The following DMD variants were observed in gnomAD, a reference collection of about 807,000 sequenced individuals.
DMD encodes the protein dystrophin.
Under a neutral mutation model 330.1 loss-of-function variants are expected in DMD, and 63 were observed. The observed-to-expected ratio is 0.19, with a 90% CI of 0.16 to 0.24. DMD has a LOEUF of 0.24. DMD is among the 10% of genes least tolerant of loss of function. The pLI is 1.00. For synonymous variants in DMD, 1,223 were observed against 959.8 expected, an observed-to-expected ratio of 1.27 and a Z score of -5.07; for missense variants, 3,344 against 2,684.1, an observed-to-expected ratio of 1.25 and a Z score of -5.43.
chrX:31,139,064 T>C (rs2035705889), intron 76 of DMD, among the ~76,000 whole-genome samples: 1 of 112,361 alleles, frequency 8.9e-6, no homozygotes, highest in Non-Finnish European at 1.9e-5. Context: ...TCAAATAGCA[T>C]ATTGCTAGTC....
chrX:32,530,166 TATCA>T (rs772582630), intron 17 of DMD, among the ~76,000 whole-genome samples: 5 of 112,469 alleles, frequency 4.4e-5, no homozygotes, highest in Non-Finnish European at 7.5e-5. Flanking sequence ...TCTTCTTTAT[TATCA>T]ATTATGGCAT....
intron 18 of DMD, among the ~76,000 whole-genome samples, chrX:32,508,499 G>A (rs1603635112): frequency 9.0e-6 from 1 of 111,384 alleles, no homozygotes; most frequent in South Asian, 3.8e-4. Context: ...TTTTTGCTCT[G>A]CTGTTATCAG....
chrX:33,008,914 A>G (rs1175626571), intron 2 of DMD, among the ~76,000 whole-genome samples: 2 of 82,331 alleles, frequency 2.4e-5, no homozygotes, highest in African/African-American at 3.9e-5. Flanking sequence ...ATACTCATAT[A>G]TGTATATATA....
At position 32,565,853 on chromosome X, in the gene DMD, T is replaced by G. The variant is rs771660778; in HGVS notation, c.1841A>C (p.Lys614Thr). 5.0e-6 allele frequency: 6 copies of G among 1,209,510 alleles called. No individual in the cohort carries two copies. The Admixed American group carries it at 1.3e-4, about 26-fold the overall frequency. Residue 614 changes from lysine to threonine, a missense_variant, in exon 16 of 79, where the codon AAG (lysine) becomes ACG (threonine). Transcript: ENST00000357033. ...AVLKADLEKK[K>T]QSMGKLYSLK... is the part of the protein sequence containing the mutation. ...TGAATACAGTTTGCCCATGGATTGC[T>G]TTTTCTTTTCTAGATCCGCTTTTAA...
chrX:32,310,639 AT>A (rs759905502), intron 41 of DMD, among the ~76,000 whole-genome samples: 15 of 110,557 alleles, frequency 1.4e-4, no homozygotes, highest in Non-Finnish European at 2.3e-4. Flanking sequence ...TAAAATTCTA[AT>A]TTTCCTGGAA....
intron 55 of DMD, among the ~76,000 whole-genome samples, chrX:31,536,439 A>C (rs1012033608): frequency 1.8e-5 from 2 of 111,772 alleles, no homozygotes; most frequent in African/African-American, 6.5e-5. Flanking sequence ...CAGTTTTCAT[A>C]AACTTAGAAG....
rs1391274976 is a variant in DMD at position 31,774,029 on chromosome X, T to C, written c.7473A>G (p.Gln2491=). 8.3e-7 allele frequency: 1 copy of C among 1,207,692 alleles called. No individual in the cohort carries two copies. Among genetic ancestry groups the C allele is most frequent in the African/African-American group, 1.8e-5 (1 of 56,442 alleles). Residue 2491 remains glutamine, a synonymous_variant, in exon 51 of 79, where the codon CAA becomes CAG. Coordinates refer to ENST00000357033, the MANE Select transcript of DMD (RefSeq NM_004006.3). Reference sequence around the variant, plus strand: ...CCATCACCCTCTGTGATTTTATAACTTGATCAAGCAGAGAAAGCCAGTCGG... The same window carrying C: ...CCATCACCCTCTGTGATTTTATAACCTGATCAAGCAGAGAAAGCCAGTCGG... ...ELTDWLSLLD[Q]VIKSQRVMVG...
intron 1 of DMD, among the ~76,000 whole-genome samples, chrX:33,315,546 T>C (rs2053920961): frequency 8.9e-6 from 1 of 112,458 alleles, no homozygotes; most frequent in Non-Finnish European, 1.9e-5. Flanking sequence ...GATAATTAAA[T>C]GCTGTCCAGA....
chrX:31,773,564 T>C (rs1029632775), intron 51 of DMD, among the ~76,000 whole-genome samples: 2 of 111,488 alleles, frequency 1.8e-5, no homozygotes, highest in Non-Finnish European at 3.8e-5. Flanking sequence ...TCCCAGACTA[T>C]TATATTTGAT....
intron 43 of DMD, among the ~76,000 whole-genome samples, chrX:32,281,656 A>G (rs923704745): frequency 9.8e-5 from 11 of 112,096 alleles, no homozygotes; most frequent in African/African-American, 2.3e-4. Flanking sequence ...TTTTAGTTTC[A>G]TATAATAGAT....
chrX:32,778,260 A>T (rs2074370091), intron 7 of DMD, among the ~76,000 whole-genome samples: 1 of 109,301 alleles, frequency 9.1e-6, no homozygotes, highest in Non-Finnish European at 1.9e-5. Context: ...AAAAAAAAAA[A>T]ATATGGACTT....
chrX:32,336,602 C>G (rs186187514), intron 41 of DMD, among the ~76,000 whole-genome samples: 1 of 111,256 alleles, frequency 9.0e-6, no homozygotes, highest in Admixed American at 9.7e-5. Context: ...ATGTTCTGAA[C>G]GAGCAGTCTT....
intron 47 of DMD, among the ~76,000 whole-genome samples, chrX:31,902,245 G>A (rs187141635): frequency 9.0e-6 from 1 of 111,448 alleles, no homozygotes; most frequent in East Asian, 2.8e-4. Context: ...TTATTAAGAC[G>A]GACAACATGA....
intron 61 of DMD, among the ~76,000 whole-genome samples, chrX:31,343,618 TGAGAGA>T (rs1179095003): frequency 1.7e-4 from 14 of 81,611 alleles, no homozygotes; most frequent in African/African-American, 3.5e-4. Flanking sequence ...TGTGTGTGTG[TGAGAGA>T]GAGAGAGAGA....
At chrX:32,526,364 C>G (rs1294932077) in intron 17 of DMD, among the ~76,000 whole-genome samples, 1 of 111,501 alleles carries the variant, frequency 9.0e-6, no homozygotes, top group East Asian at 2.8e-4. Context: ...ATATACTCAT[C>G]AGAAACCCCT....
At chrX:31,716,701 C>T (rs2085074606) in intron 52 of DMD, among the ~76,000 whole-genome samples, 1 of 109,118 alleles carries the variant, frequency 9.2e-6, no homozygotes, top group African/African-American at 3.4e-5. Flanking sequence ...CAATAAATAC[C>T]CAATATGTTT....
intron 1 of DMD, among the ~76,000 whole-genome samples, chrX:33,279,090 T>C (rs1043776885): frequency 8.9e-5 from 10 of 111,850 alleles, no homozygotes; most frequent in Non-Finnish European, 1.9e-4. Context: ...ATCTACATAC[T>C]ACTTTACCCA....
chrX:31,995,294 G>GA (rs901159561), intron 44 of DMD, among the ~76,000 whole-genome samples: 2 of 111,992 alleles, frequency 1.8e-5, no homozygotes, highest in African/African-American at 6.5e-5. Flanking sequence ...TCTATTGGTT[G>GA]AAAAGATGCA....
At position 31,196,068 on chromosome X, in the gene DMD, C is replaced by G. The variant is rs937165042; in HGVS notation, c.9807+7893G>C. 2.5e-4 allele frequency among the ~76,000 whole-genome samples: 28 copies of G among 111,917 alleles called. 1 individual carries two copies. Among genetic ancestry groups the G allele is most frequent in the Non-Finnish European group, 4.9e-4 (26 of 53,146 alleles). On this transcript the variant is annotated intron_variant, in intron 67 of 78. Transcript: ENST00000357033. ...CAATAGAGAAGTTAATCAAACAAAC[C>G]ACTTAAACAGATCATCATAAAGCTT... is the stretch of plus-strand genomic sequence containing the variant.
Sources: gnomAD v4.1 joint callset for allele counts (sites outside exome capture counted in the v4.1 genomes callset) on GRCh38, gnomAD v4.1.1 for gene constraint, MANE v1.5 for transcripts, NCBI Gene and HGNC (gene_info 2026-07-23, HGNC 2026-07-21) for gene names.